Variants in GRB10 observed in about 807,000 individuals in gnomAD.
GRB10 encodes the protein growth factor receptor bound protein 10.
In GRB10, 20 loss-of-function variants were observed where a neutral mutation model predicts 80.9. The ratio of observed to expected loss-of-function variants is 0.25; its 90% CI spans 0.17 to 0.36. GRB10 has a LOEUF of 0.36. Among genes scored for constraint, GRB10 ranks in the 10% least tolerant of loss-of-function variants. The pLI is 1.00. For synonymous variants in GRB10, 291 were observed against 291.5 expected (o/e 1.00, Z 0.02); for missense variants, 548 against 747.7 (o/e 0.73, Z 3.12).
intron 17 of GRB10, among the ~76,000 whole-genome samples, chr7:50,596,417 T>C (rs1345529635): frequency 6.6e-6 from 1 of 152,222 alleles, no homozygotes; most frequent in Non-Finnish European, 1.5e-5. Context: ...AATCTCACCA[T>C]GAGTGAGGAG....
chr7:50,673,492 C>T (rs530463855), intron 6 of GRB10, among the ~76,000 whole-genome samples: 1 of 152,164 alleles, frequency 6.6e-6, no homozygotes, highest in Non-Finnish European at 1.5e-5. Context: ...ACCCTCCACA[C>T]ACTCTCTGTC....
intron 3 of GRB10, among the ~76,000 whole-genome samples, chr7:50,733,769 C>T (rs2070318545): frequency 6.6e-6 from 1 of 152,202 alleles, no homozygotes; most frequent in South Asian, 2.1e-4. Context: ...GCTCTAATTC[C>T]CAGTCACTTA....
intron 4 of GRB10, among the ~76,000 whole-genome samples, chr7:50,724,825 G>T (rs962564119): frequency 1.3e-5 from 2 of 152,154 alleles, no homozygotes; most frequent in Admixed American, 1.3e-4. Context: ...TGTTACAGGA[G>T]GCCCATCTTC....
At chr7:50,791,197 C>CA (rs1251416502) in intron 1 of GRB10, among the ~76,000 whole-genome samples, 1 of 152,154 alleles carries the variant, frequency 6.6e-6, no homozygotes, top group African/African-American at 2.4e-5. Flanking sequence ...ACATAACTAC[C>CA]ACATCAAAAC....
chr7:50,742,613 T>C (rs1028657943), intron 3 of GRB10, among the ~76,000 whole-genome samples: 5 of 152,062 alleles, frequency 3.3e-5, no homozygotes, highest in Admixed American at 3.3e-4. Context: ...CCTTGCATGA[T>C]TCTACTGCTG....
chr7:50,651,304 G>A (rs897168967), intron 7 of GRB10, among the ~76,000 whole-genome samples: 1 of 152,204 alleles, frequency 6.6e-6, no homozygotes, highest in African/African-American at 2.4e-5. Context: ...ATCCTCCCGA[G>A]GTCTGGAGGG....
At chr7:50,702,075 G>A (rs548114814) in intron 5 of GRB10, among the ~76,000 whole-genome samples, 8 of 152,292 alleles carry the variant, frequency 5.3e-5, no homozygotes, top group African/African-American at 1.9e-4. Context: ...GTCAAGTCGG[G>A]ACAGTCTGGA....
chr7:50,674,316 C>T (rs1166573182), intron 6 of GRB10, 120 bp downstream of exon 6: 2 of 961,252 alleles, frequency 2.1e-6, no homozygotes, highest in South Asian at 1.4e-5. Flanking sequence ...AATGTATCTG[C>T]CTCTTGACTT....
At chr7:50,733,848 G>T (rs902201471) in intron 3 of GRB10, among the ~76,000 whole-genome samples, 10 of 152,200 alleles carry the variant, frequency 6.6e-5, no homozygotes, top group Non-Finnish European at 4.4e-5. Context: ...CAGTTACTTG[G>T]CTTAAAGGAA....
chr7:50,644,348 A>G (rs1367174450), intron 7 of GRB10, among the ~76,000 whole-genome samples: 1 of 151,954 alleles, frequency 6.6e-6, no homozygotes, highest in Non-Finnish European at 1.5e-5. Flanking sequence ...CGAGCTCTTT[A>G]TTTGGTGGCT....
At chr7:50,642,467 T>C (rs1048507807) in intron 7 of GRB10, among the ~76,000 whole-genome samples, 2 of 152,064 alleles carry the variant, frequency 1.3e-5, no homozygotes, top group African/African-American at 4.8e-5. Flanking sequence ...CATACATACA[T>C]ATACATATAC....
At chr7:50,633,967 A>C (rs2054483909) in intron 7 of GRB10, among the ~76,000 whole-genome samples, 1 of 152,256 alleles carries the variant, frequency 6.6e-6, no homozygotes, top group Non-Finnish European at 1.5e-5. Context: ...AACATATTTA[A>C]GGGAAATAAT....
At chr7:50,730,686 G>A (rs2069538459) in intron 4 of GRB10, among the ~76,000 whole-genome samples, 1 of 152,150 alleles carries the variant, frequency 6.6e-6, no homozygotes, top group Non-Finnish European at 1.5e-5. Context: ...TGGGGCATCG[G>A]TGACTACAAA....
intron 5 of GRB10, among the ~76,000 whole-genome samples, chr7:50,701,520 G>A (rs1383223110): frequency 2.0e-5 from 3 of 152,230 alleles, no homozygotes; most frequent in African/African-American, 7.2e-5. Context: ...GAGTCTAGGA[G>A]TTCAAGGCTG....
At chr7:50,714,911 A>T (rs1210571904) in intron 4 of GRB10, among the ~76,000 whole-genome samples, 1 of 152,088 alleles carries the variant, frequency 6.6e-6, no homozygotes, top group East Asian at 1.9e-4. Flanking sequence ...GGCACATGAC[A>T]CACCCACATT....
intron 13 of GRB10, chr7:50,607,212 T>C (rs1585582645): frequency 6.6e-6 from 1 of 152,358 alleles, no homozygotes; most frequent in Non-Finnish European, 1.5e-5. Flanking sequence ...GCAGGGACTA[T>C]AGTTAATTTT....
intron 5 of GRB10, among the ~76,000 whole-genome samples, chr7:50,679,350 G>A (rs2061309319): frequency 6.6e-6 from 1 of 152,172 alleles, no homozygotes; most frequent in Admixed American, 6.5e-5. Context: ...GTGCTGACTA[G>A]GAAAAGGCAA....
intron 17 of GRB10, among the ~76,000 whole-genome samples, chr7:50,599,569 C>T (rs186130657): frequency 1.3e-5 from 2 of 152,256 alleles, no homozygotes; most frequent in African/African-American, 2.4e-5. Context: ...CAGCCTAAGG[C>T]GGGAGCTGGA....
intron 7 of GRB10, among the ~76,000 whole-genome samples, chr7:50,627,792 G>T (rs568121925): frequency 4.8e-4 from 73 of 152,370 alleles, no homozygotes; most frequent in African/African-American, 1.6e-3. Context: ...AGTCAGAGGA[G>T]CAAGATGGCA....
Sources: allele counts gnomAD v4.1 joint callset (sites outside exome capture counted in the v4.1 genomes callset), GRCh38; gene constraint gnomAD v4.1.1; transcripts MANE v1.5; gene names NCBI Gene and HGNC (gene_info 2026-07-23, HGNC 2026-07-21).